Variants in PTPRD observed in about 807,000 individuals in gnomAD.
PTPRD encodes protein tyrosine phosphatase receptor type D.
In PTPRD, 34 loss-of-function variants were observed where a neutral mutation model predicts 214.5. The observed-to-expected ratio is 0.16, with a 90% confidence interval of 0.12 to 0.21. PTPRD has a LOEUF of 0.21. Among genes scored for constraint, PTPRD ranks in the 10% least tolerant of loss-of-function variants. PTPRD has a pLI of 1.00. For synonymous variants in PTPRD, 1,128 were observed against 845.7 expected, an observed-to-expected ratio of 1.33 and a Z score of -5.79; for missense variants, 2,545 against 2,398.7, an observed-to-expected ratio of 1.06 and a Z score of -1.27.
At chr9:10,529,721 A>G (rs1164014797) in intron 2 of PTPRD, among the ~76,000 whole-genome samples, 1 of 147,258 alleles carries the variant, frequency 6.8e-6, no homozygotes, top group Non-Finnish European at 1.5e-5. Context: ...GTATAATAAT[A>G]ATAATAAAAA....
At chr9:8,842,025 C>T (rs2097568995) in intron 11 of PTPRD, among the ~76,000 whole-genome samples, 1 of 146,214 alleles carries the variant, frequency 6.8e-6, no homozygotes, top group South Asian at 2.1e-4. Flanking sequence ...AAAAAAAATC[C>T]AACTATTGCT....
At chr9:10,353,295 C>T (rs1219426523) in intron 2 of PTPRD, among the ~76,000 whole-genome samples, 1 of 151,890 alleles carries the variant, frequency 6.6e-6, no homozygotes, top group Non-Finnish European at 1.5e-5. Context: ...GAAAAACTTA[C>T]AATAATGGTC....
intron 3 of PTPRD, among the ~76,000 whole-genome samples, chr9:10,216,915 G>A (rs1306695932): frequency 2.0e-5 from 3 of 151,848 alleles, no homozygotes; most frequent in South Asian, 4.2e-4. Context: ...TCACTCTAGT[G>A]GTAGCTTTCT....
At chr9:9,066,575 A>ATG (rs2099734777) in intron 10 of PTPRD, among the ~76,000 whole-genome samples, 2 of 152,268 alleles carry the variant, frequency 1.3e-5, no homozygotes, top group East Asian at 3.9e-4. Context: ...AGTTTTGCAG[A>ATG]TGTGACTAAA....
intron 2 of PTPRD, among the ~76,000 whole-genome samples, chr9:10,386,616 T>C (rs1367535649): frequency 2.7e-5 from 4 of 150,662 alleles, no homozygotes; most frequent in Non-Finnish European, 4.4e-5. Flanking sequence ...ATAGAAGTCA[T>C]TTTGCTGCCT....
At chr9:9,293,732 T>A (rs1024002748) in intron 9 of PTPRD, among the ~76,000 whole-genome samples, 1 of 151,602 alleles carries the variant, frequency 6.6e-6, no homozygotes, top group African/African-American at 2.4e-5. Flanking sequence ...CAGAACATGT[T>A]TCTATTCATG....
chr9:8,657,192 A>C lies in PTPRD; in HGVS notation c.65-20348T>G, dbSNP rs180803603. ...TTTTTTTTTTTTTTTTTTGAGACAG[A>C]GTTTCACTCTTGCTGCCCAGGCTGG... On this transcript the variant is annotated intron_variant, in intron 12 of 45. Transcript: ENST00000381196. 1.8e-3 allele frequency among the ~76,000 whole-genome samples: 237 copies of C among 133,746 alleles called. 2 individuals are homozygous for C. Among genetic ancestry groups the C allele is most frequent in the African/African-American group, 6.6e-3 (234 of 35,502 alleles). 87.7% of individuals were successfully genotyped at this position (133,746 alleles called of 152,430 possible). A position where few individuals can be genotyped will look rare whatever the true frequency, so the allele number is the denominator to read the frequency against.
intron 11 of PTPRD, among the ~76,000 whole-genome samples, chr9:8,949,011 T>C (rs1195497134): frequency 2.0e-5 from 3 of 151,418 alleles, no homozygotes; most frequent in Admixed American, 1.3e-4. Flanking sequence ...ATCACCTGAG[T>C]TTAGGAGTTT....
intron 10 of PTPRD, among the ~76,000 whole-genome samples, chr9:9,141,133 T>C (rs543943704): frequency 6.6e-6 from 1 of 151,248 alleles, no homozygotes; most frequent in Non-Finnish European, 1.5e-5. Context: ...CTTCTTTTTC[T>C]CTCCTCTCTT....
chr9:9,648,422 C>T (rs1330906864), intron 7 of PTPRD, among the ~76,000 whole-genome samples: 3 of 152,072 alleles, frequency 2.0e-5, no homozygotes, highest in African/African-American at 7.2e-5. Context: ...AACGTTCTGT[C>T]TTCTAAACAA....
chr9:10,077,838 T>A (rs980433092), intron 3 of PTPRD, among the ~76,000 whole-genome samples: 1 of 152,106 alleles, frequency 6.6e-6, no homozygotes, highest in Non-Finnish European at 1.5e-5. Context: ...CTCTTTTTTT[T>A]TTTTTAAAAG....
At chr9:9,532,672 T>C (rs2075738601) in intron 8 of PTPRD, among the ~76,000 whole-genome samples, 2 of 152,164 alleles carry the variant, frequency 1.3e-5, no homozygotes. Context: ...ATTCAGATCA[T>C]TTTGCAGGCT....
intron 27 of PTPRD, among the ~76,000 whole-genome samples, chr9:8,492,585 G>GT (rs2097172443): frequency 6.9e-6 from 1 of 145,944 alleles, no homozygotes; most frequent in Non-Finnish European, 1.5e-5. Context: ...CCCAGTGCTG[G>GT]TAACAGTGCC....
chr9:10,095,298 A>G (rs1354554290), intron 3 of PTPRD, among the ~76,000 whole-genome samples: 2 of 151,480 alleles, frequency 1.3e-5, no homozygotes, highest in Non-Finnish European at 3.0e-5. Context: ...CCATAGATGG[A>G]GCATAATATA....
At chr9:9,905,608 T>C (rs1366950033) in intron 5 of PTPRD, among the ~76,000 whole-genome samples, 1 of 151,128 alleles carries the variant, frequency 6.6e-6, no homozygotes. Flanking sequence ...GTCCCTATTC[T>C]CAGAAATTTT....
intron 35 of PTPRD, among the ~76,000 whole-genome samples, chr9:8,428,534 T>G (rs1167797743): frequency 6.6e-6 from 1 of 152,180 alleles, no homozygotes; most frequent in African/African-American, 2.4e-5. Context: ...CCCTTAGAAA[T>G]GGAAGAGTCT....
chr9:8,764,545 C>T (rs963986071), intron 11 of PTPRD, among the ~76,000 whole-genome samples: 1 of 152,072 alleles, frequency 6.6e-6, no homozygotes, highest in Non-Finnish European at 1.5e-5. Context: ...CTCCTACAAT[C>T]CCAGCACTTA....
At chr9:8,594,396 T>A (rs1260272224) in intron 14 of PTPRD, among the ~76,000 whole-genome samples, 1 of 152,222 alleles carries the variant, frequency 6.6e-6, no homozygotes, top group Non-Finnish European at 1.5e-5. Flanking sequence ...TTCTCTAATA[T>A]TAAAATGTTT....
chr9:8,644,418 T>C (rs1323136524), intron 12 of PTPRD, among the ~76,000 whole-genome samples: 26 of 152,208 alleles, frequency 1.7e-4, no homozygotes, highest in Non-Finnish European at 1.5e-5. Context: ...TCATTCTTCC[T>C]GGTCACAGGA....
Sources: allele counts gnomAD v4.1 joint callset (sites outside exome capture counted in the v4.1 genomes callset), GRCh38; gene constraint gnomAD v4.1.1; transcripts MANE v1.5; gene names NCBI Gene and HGNC (gene_info 2026-07-23, HGNC 2026-07-21).